GLIS3: variants seen among roughly 807,000 people sequenced by gnomAD.
The protein encoded by GLIS3 is GLIS family zinc finger 3.
GLIS3 carries 53 observed loss-of-function variants against 78.6 expected under a neutral mutation model. The observed-to-expected ratio is 0.67, with a 90% CI of 0.54 to 0.85. GLIS3 has a LOEUF of 0.85. Ranked by LOEUF, GLIS3 falls within the 40% of genes least tolerant of loss-of-function variation. The pLI is 0.00. For synonymous variants in GLIS3, 684 were observed against 509.9 expected (o/e 1.34, Z -4.60); for missense variants, 1,703 against 1,231.1 (o/e 1.38, Z -5.74).
chr9:4,152,353 T>G (rs76336397), intron 2 of GLIS3, among the ~76,000 whole-genome samples: 6,130 of 152,242 alleles, frequency 0.04, 390 homozygotes, highest in African/African-American at 0.14. Flanking sequence ...CTAAGGACAT[T>G]CCCAACTCTA....
chr9:3,919,841 G>A (rs1019904798), intron 6 of GLIS3, among the ~76,000 whole-genome samples: 3 of 151,796 alleles, frequency 2.0e-5, no homozygotes, highest in South Asian at 2.1e-4. Context: ...TACTAGCCTC[G>A]TAGAATTGTT....
At chr9:3,883,124 C>T (rs1051657127) in intron 7 of GLIS3, among the ~76,000 whole-genome samples, 4 of 152,340 alleles carry the variant, frequency 2.6e-5, no homozygotes, top group Middle Eastern at 3.4e-3. Context: ...AGTCAGAGAG[C>T]TGTGGCTTCA....
At chr9:3,903,686 T>C (rs1823471973) in intron 6 of GLIS3, among the ~76,000 whole-genome samples, 1 of 152,210 alleles carries the variant, frequency 6.6e-6, no homozygotes, top group Non-Finnish European at 1.5e-5. Context: ...CAGAGAAGTT[T>C]ACATTCTAGA....
intron 2 of GLIS3, among the ~76,000 whole-genome samples, chr9:4,238,613 C>CACTG (rs1823000729): frequency 6.6e-6 from 1 of 152,182 alleles, no homozygotes; most frequent in Non-Finnish European, 1.5e-5. Flanking sequence ...ATAAGTTTTG[C>CACTG]CAGTGTTCTC....
the GLIS3 span, among the ~76,000 whole-genome samples, chr9:4,397,678 AAGGGAGGG>A: frequency 2.4e-5 from 1 of 42,532 alleles, no homozygotes; most frequent in Non-Finnish European, 4.3e-5. Context: ...GGGAGGGAGG[AAGGGAGGG>A]AGGGAGGGAG....
At chr9:4,454,222 C>G in the GLIS3 span, among the ~76,000 whole-genome samples, 2 of 151,396 alleles carry the variant, frequency 1.3e-5, no homozygotes, top group South Asian at 4.2e-4. Flanking sequence ...CCAGGCTGGT[C>G]TCAAATGCCT....
upstream of GLIS3, among the ~76,000 whole-genome samples, chr9:4,300,596 G>A (rs1331932662): frequency 6.6e-6 from 1 of 151,962 alleles, no homozygotes; most frequent in African/African-American, 2.4e-5. Context: ...GTGTTAGAAG[G>A]GTATAAAATT....
the GLIS3 span, among the ~76,000 whole-genome samples, chr9:4,473,100 CTGCAACCT>C: frequency 6.6e-6 from 1 of 152,138 alleles, no homozygotes; most frequent in African/African-American, 2.4e-5. Flanking sequence ...TTCTTTTTCT[CTGCAACCT>C]TGCCAGTTAT....
rs929747621 is a variant in GLIS3, at chr9:3,930,233, G to A, written c.1983+2127C>T. Among the ~76,000 whole-genome samples, 5 of 152,184 alleles carry A rather than the reference G, an allele frequency of 3.3e-5. No homozygotes were observed. In the East Asian group the frequency reaches 9.6e-4, roughly 29 times the overall value. On this transcript the variant is annotated intron_variant, in intron 6 of 10. Transcript: ENST00000381971. ...TATCACTAAGGGCTGTGCAATGCGA[G>A]TCAACAAGTCAATGAAATCCAATTC...
At chr9:4,080,163 T>C (rs1446881532) in intron 4 of GLIS3, among the ~76,000 whole-genome samples, 1 of 152,250 alleles carries the variant, frequency 6.6e-6, no homozygotes, top group Non-Finnish European at 1.5e-5. Flanking sequence ...GTTCCTATAC[T>C]ATCCTTTCTT....
At chr9:3,907,380 G>C (rs1823781648) in intron 6 of GLIS3, among the ~76,000 whole-genome samples, 1 of 152,134 alleles carries the variant, frequency 6.6e-6, no homozygotes, top group South Asian at 2.1e-4. Context: ...CCTAGTTAGT[G>C]AATATGTCTA....
At chr9:3,915,929 T>C (rs764090271) in intron 6 of GLIS3, among the ~76,000 whole-genome samples, 1 of 152,110 alleles carries the variant, frequency 6.6e-6, no homozygotes, top group Non-Finnish European at 1.5e-5. Context: ...TCCAAAGAAC[T>C]AGGGAAGACA....
intron 4 of GLIS3, among the ~76,000 whole-genome samples, chr9:4,062,450 T>C (rs926396099): frequency 1.1e-4 from 16 of 152,118 alleles, no homozygotes. Context: ...AAGGCAGAGA[T>C]AGAATGAATA....
chr9:4,037,941 A>C (rs599955), intron 4 of GLIS3, among the ~76,000 whole-genome samples: 1 of 151,716 alleles, frequency 6.6e-6, no homozygotes, highest in South Asian at 2.1e-4. Context: ...GGGGAGATAC[A>C]AAATCCAGGA....
intron 8 of GLIS3, among the ~76,000 whole-genome samples, chr9:3,873,950 G>C (rs1821137015): frequency 6.6e-6 from 1 of 152,204 alleles, no homozygotes; most frequent in Non-Finnish European, 1.5e-5. Flanking sequence ...ACTCTCCAAA[G>C]AGACCACACA....
chr9:4,372,910 G>T, the GLIS3 span, among the ~76,000 whole-genome samples: 5 of 152,200 alleles, frequency 3.3e-5, no homozygotes, highest in African/African-American at 1.2e-4. Flanking sequence ...AATGGGCAGT[G>T]ACTTCTCAGG....
chr9:3,987,837 C>T (rs980673487), intron 4 of GLIS3, among the ~76,000 whole-genome samples: 2 of 121,310 alleles, frequency 1.6e-5, no homozygotes, highest in African/African-American at 6.4e-5. Context: ...GAATCCAAAC[C>T]AGATAAACTC....
At chr9:4,261,884 C>A (rs1587202793) in intron 2 of GLIS3, among the ~76,000 whole-genome samples, 1 of 152,086 alleles carries the variant, frequency 6.6e-6, no homozygotes, top group African/African-American at 2.4e-5. Context: ...TTTTAAGAGC[C>A]AATTATAGCA....
intron 4 of GLIS3, among the ~76,000 whole-genome samples, chr9:4,004,252 C>T (rs369800484): frequency 6.6e-6 from 1 of 152,086 alleles, no homozygotes; most frequent in African/African-American, 2.4e-5. Context: ...TGATTGATGA[C>T]CAGACCAAGG....
Sources: gnomAD v4.1 joint callset for allele counts (sites outside exome capture counted in the v4.1 genomes callset) on GRCh38, gnomAD v4.1.1 for gene constraint, MANE v1.5 for transcripts, NCBI Gene and HGNC (gene_info 2026-07-23, HGNC 2026-07-21) for gene names.